Variants in IMMP2L observed in about 807,000 individuals in gnomAD.
The protein encoded by IMMP2L is mitochondrial inner membrane protease subunit 2.
Under a neutral mutation model 19.3 loss-of-function variants are expected in IMMP2L, and 18 were observed. The ratio of observed to expected loss-of-function variants is 0.93; its 90% CI spans 0.64 to 1.38. IMMP2L has a LOEUF of 1.38. Ranked by LOEUF, IMMP2L falls within the 40% of genes most tolerant of loss-of-function variation. IMMP2L has a pLI of 0.00. For synonymous variants in IMMP2L, 76 were observed against 73.0 expected, an observed-to-expected ratio of 1.04 and a Z score of -0.21; for missense variants, 233 against 218.2, an observed-to-expected ratio of 1.07 and a Z score of -0.43.
At chr7:110,899,409 A>G (rs766396365) in intron 4 of IMMP2L, among the ~76,000 whole-genome samples, 90 of 152,306 alleles carry the variant, frequency 5.9e-4, no homozygotes, top group Admixed American at 1.0e-3. Flanking sequence ...CACAAGAACA[A>G]TAGTACTACA....
At chr7:111,206,175 C>T (rs1810685323) in intron 3 of IMMP2L, among the ~76,000 whole-genome samples, 1 of 152,152 alleles carries the variant, frequency 6.6e-6, no homozygotes, top group Non-Finnish European at 1.5e-5. Flanking sequence ...TCCTTCAGAT[C>T]TCACTATTAG....
intron 5 of IMMP2L, among the ~76,000 whole-genome samples, chr7:110,701,011 G>A (rs146469801): frequency 2.0e-5 from 3 of 152,074 alleles, no homozygotes; most frequent in Non-Finnish European, 4.4e-5. Context: ...ATTTTTAACA[G>A]ACCTAAATTA....
intron 3 of IMMP2L, among the ~76,000 whole-genome samples, chr7:111,295,985 TAA>T (rs3052106): frequency 0.14 from 19,219 of 136,214 alleles, 1,694 homozygotes; most frequent in African/African-American, 0.25. Context: ...GAAAGAATGT[TAA>T]AAAAAAAAAA....
At chr7:110,917,481 T>G (rs952345829) in intron 4 of IMMP2L, among the ~76,000 whole-genome samples, 3 of 152,200 alleles carry the variant, frequency 2.0e-5, no homozygotes, top group African/African-American at 7.2e-5. Context: ...ATTCAACCTT[T>G]TTAAGGACTC....
At chr7:111,261,807 T>C (rs533031644) in intron 3 of IMMP2L, among the ~76,000 whole-genome samples, 3 of 152,146 alleles carry the variant, frequency 2.0e-5, no homozygotes, top group East Asian at 1.9e-4. Flanking sequence ...AAGACAAATA[T>C]GTATAAGTGA....
Position 111,493,424 on chromosome 7 carries a change from C to T in IMMP2L, c.136-6083G>A, listed in dbSNP as rs531062454. On this transcript the variant is annotated intron_variant, in intron 2 of 5. Coordinates refer to ENST00000405709, the MANE Select transcript of IMMP2L (RefSeq NM_032549.4). ...TTTATTAAAAAGAAAAAAAACAGGC[C>T]GGGCGCAGTGGCTCACGCCTGTAAT... Among the ~76,000 whole-genome samples, 768 of 152,098 alleles carry T rather than the reference C, an allele frequency of 5.0e-3. 6 individuals are homozygous for T. Among genetic ancestry groups the T allele is most frequent in the Middle Eastern group, 0.024 (7 of 294 alleles).
At chr7:111,371,695 A>T (rs559648453) in intron 3 of IMMP2L, among the ~76,000 whole-genome samples, 1 of 152,178 alleles carries the variant, frequency 6.6e-6, no homozygotes, top group South Asian at 2.1e-4. Context: ...TTAAAGGCAC[A>T]AAAGTAAAGT....
chr7:110,976,351 C>T (rs1316419730), intron 3 of IMMP2L, among the ~76,000 whole-genome samples: 3 of 151,952 alleles, frequency 2.0e-5, no homozygotes, highest in East Asian at 1.9e-4. Context: ...CAATATTTGT[C>T]CTTTTGTGCC....
intron 3 of IMMP2L, among the ~76,000 whole-genome samples, chr7:111,438,443 C>T (rs1363372183): frequency 6.6e-6 from 1 of 151,786 alleles, no homozygotes; most frequent in East Asian, 1.9e-4. Flanking sequence ...CCCACACCCA[C>T]TGTTTCCAAA....
intron 3 of IMMP2L, among the ~76,000 whole-genome samples, chr7:111,446,888 G>A (rs1396388473): frequency 6.6e-6 from 1 of 150,658 alleles, no homozygotes; most frequent in African/African-American, 2.5e-5. Context: ...GAAAACCAAG[G>A]CTCGAGAACT....
intron 5 of IMMP2L, among the ~76,000 whole-genome samples, chr7:110,842,020 T>C (rs775865497): frequency 1.3e-5 from 2 of 152,152 alleles, no homozygotes; most frequent in Non-Finnish European, 2.9e-5. Flanking sequence ...ATTAAAGCAC[T>C]TAGCATGAAA....
At chr7:111,119,201 T>C (rs867506425) in intron 3 of IMMP2L, among the ~76,000 whole-genome samples, 3 of 152,302 alleles carry the variant, frequency 2.0e-5, no homozygotes, top group South Asian at 2.1e-4. Flanking sequence ...TATGGAAACA[T>C]ACAGAAATGC....
At chr7:110,922,700 C>T (rs891469130) in intron 4 of IMMP2L, among the ~76,000 whole-genome samples, 6 of 152,064 alleles carry the variant, frequency 3.9e-5, no homozygotes, top group African/African-American at 1.2e-4. Context: ...TATCACTGTC[C>T]TCTTTTATAC....
chr7:110,722,496 C>T (rs1475750649), intron 5 of IMMP2L, among the ~76,000 whole-genome samples: 2 of 152,036 alleles, frequency 1.3e-5, no homozygotes, highest in Non-Finnish European at 2.9e-5. Context: ...CACTGTCACA[C>T]TAGCTAATAT....
chr7:111,241,564 G>T (rs945509130), intron 3 of IMMP2L, among the ~76,000 whole-genome samples: 1 of 151,836 alleles, frequency 6.6e-6, no homozygotes, highest in African/African-American at 2.4e-5. Context: ...GATTCTTACT[G>T]ATACAATGTA....
At chr7:110,836,175 G>C (rs1037692100) in intron 5 of IMMP2L, among the ~76,000 whole-genome samples, 3 of 152,088 alleles carry the variant, frequency 2.0e-5, no homozygotes. Context: ...GATAAGGTTA[G>C]GTTAATACTG....
At chr7:110,805,018 T>A (rs1295134353) in intron 5 of IMMP2L, among the ~76,000 whole-genome samples, 1 of 152,110 alleles carries the variant, frequency 6.6e-6, no homozygotes, top group Non-Finnish European at 1.5e-5. Flanking sequence ...GTGATGTCCT[T>A]CACGATACTG....
chr7:110,666,624 T>G (rs1374884501), intron 5 of IMMP2L, among the ~76,000 whole-genome samples: 1 of 151,906 alleles, frequency 6.6e-6, no homozygotes, highest in Non-Finnish European at 1.5e-5. Flanking sequence ...GCTCCTGGGG[T>G]GTCAATATTC....
At chr7:110,889,499 C>T (rs766741171) in intron 4 of IMMP2L, among the ~76,000 whole-genome samples, 4 of 152,202 alleles carry the variant, frequency 2.6e-5, no homozygotes, top group South Asian at 2.1e-4. Context: ...TGATTTGGCA[C>T]GAGGCGGGGC....
Sources: allele counts gnomAD v4.1 joint callset (sites outside exome capture counted in the v4.1 genomes callset), GRCh38; gene constraint gnomAD v4.1.1; transcripts MANE v1.5; gene names NCBI Gene and HGNC (gene_info 2026-07-23, HGNC 2026-07-21).